MYT1L: variants seen among roughly 807,000 people sequenced by gnomAD.
MYT1L encodes myelin transcription factor 1-like protein.
A neutral mutation model predicts 126.7 loss-of-function variants in MYT1L; 12 were observed. That is an observed-to-expected ratio of 0.09 (90% CI 0.06 to 0.15). The LOEUF is 0.15. Ranked by LOEUF, MYT1L falls within the 10% of genes least tolerant of loss-of-function variation. The pLI, the probability that MYT1L is intolerant of heterozygous loss-of-function variation, is 1.00. For synonymous variants in MYT1L, 541 were observed against 604.2 expected, an observed-to-expected ratio of 0.90 and a Z score of 1.53; for missense variants, 979 against 1,585.2, an observed-to-expected ratio of 0.62 and a Z score of 6.49.
At chr2:1,818,995 CCCCAGCT>C (rs530888105) in intron 21 of MYT1L, among the ~76,000 whole-genome samples, 10 of 152,092 alleles carry the variant, frequency 6.6e-5, no homozygotes, top group Non-Finnish European at 7.4e-5. Flanking sequence ...CCCAGATGGC[CCCCAGCT>C]CCCAGCTCCC....
chr2:2,319,232 A>C (rs1458003585), intron 1 of MYT1L: 1 of 152,214 alleles, frequency 6.6e-6, no homozygotes, highest in Non-Finnish European at 1.5e-5. Context: ...GTTGGCCCTC[A>C]GTCAATAACC....
At chr2:2,124,140 G>A (rs551103916) in intron 3 of MYT1L, among the ~76,000 whole-genome samples, 190 of 152,234 alleles carry the variant, frequency 1.2e-3, no homozygotes, top group African/African-American at 4.3e-3. Context: ...CCACCCACTC[G>A]CTTTTGGGTT....
intron 3 of MYT1L, among the ~76,000 whole-genome samples, chr2:2,140,888 A>G (rs1016674062): frequency 6.6e-6 from 1 of 152,210 alleles, no homozygotes; most frequent in African/African-American, 2.4e-5. Context: ...GTCTTCAAAT[A>G]TAATTTTTTG....
At chr2:2,253,732 C>T (rs1229008922) in intron 2 of MYT1L, among the ~76,000 whole-genome samples, 3 of 150,696 alleles carry the variant, frequency 2.0e-5, no homozygotes, top group African/African-American at 7.3e-5. Flanking sequence ...GAGGGCAAGT[C>T]GGAAACAGGA....
intron 2 of MYT1L, among the ~76,000 whole-genome samples, chr2:2,247,114 A>T (rs1002703779): frequency 3.7e-4 from 57 of 152,324 alleles, no homozygotes; most frequent in African/African-American, 1.3e-3. Context: ...GGATGGAAAA[A>T]CAAGACCCAA....
At chr2:2,003,091 C>G (rs895819783) in intron 4 of MYT1L, among the ~76,000 whole-genome samples, 1 of 152,116 alleles carries the variant, frequency 6.6e-6, no homozygotes. Context: ...GCCTCCACGT[C>G]AACCCCACGG....
At chr2:2,014,389 C>T (rs1388400241) in intron 4 of MYT1L, among the ~76,000 whole-genome samples, 2 of 152,118 alleles carry the variant, frequency 1.3e-5, no homozygotes, top group Non-Finnish European at 2.9e-5. Flanking sequence ...CGTGATAATC[C>T]GCCCTTCACT....
intron 2 of MYT1L, among the ~76,000 whole-genome samples, chr2:2,267,279 A>G (rs576269744): frequency 6.6e-6 from 1 of 152,272 alleles, no homozygotes; most frequent in South Asian, 2.1e-4. Context: ...AGTCTCCCTT[A>G]CCCTCACAGG....
At chr2:1,902,989 C>T (rs544212886) in intron 14 of MYT1L, 91 bp downstream of exon 14, 411 of 1,235,326 alleles carry the variant, frequency 3.3e-4, no homozygotes, top group East Asian at 2.9e-3. Flanking sequence ...TGACCACCAC[C>T]GCTCAACTAA....
intron 2 of MYT1L, among the ~76,000 whole-genome samples, chr2:2,271,167 T>A (rs59572407): frequency 0.022 from 3,314 of 152,226 alleles, 116 homozygotes; most frequent in African/African-American, 0.075. Flanking sequence ...TTTTTCTCTG[T>A]CTCAACAGTC....
chr2:2,094,688 C>G (rs534126096), intron 3 of MYT1L, among the ~76,000 whole-genome samples: 6 of 149,678 alleles, frequency 4.0e-5, no homozygotes, highest in African/African-American at 1.5e-4. Context: ...AATCAAACAT[C>G]GCATGTTCTC....
intron 13 of MYT1L, among the ~76,000 whole-genome samples, chr2:1,907,555 G>C (rs2051254274): frequency 6.6e-6 from 1 of 152,178 alleles, no homozygotes. Context: ...GAGGTAGGAG[G>C]GGAGGAGAGG....
intron 1 of MYT1L, among the ~76,000 whole-genome samples, chr2:2,290,674 T>A (rs1223332102): frequency 6.6e-6 from 1 of 152,056 alleles, no homozygotes; most frequent in Non-Finnish European, 1.5e-5. Context: ...GAAAACAACA[T>A]GGTTTAAAGA....
rs146550388 is a variant in MYT1L, at chr2:2,273,916, T to C, written c.-421+10488A>G. ...CTTCTTGGTATTTTTAAATATTTTG[T>C]CTCCATTATTAAAACACAAAAAATT... On this transcript the variant is annotated intron_variant, in intron 2 of 24. Transcript: ENST00000647738. 3.9e-3 allele frequency among the ~76,000 whole-genome samples: 601 copies of C among 152,258 alleles called. 2 individuals carry two copies. Among genetic ancestry groups the C allele is most frequent in the African/African-American group, 0.014 (568 of 41,542 alleles).
intron 2 of MYT1L, among the ~76,000 whole-genome samples, chr2:2,237,511 A>C (rs2094348192): frequency 6.6e-6 from 1 of 152,186 alleles, no homozygotes; most frequent in South Asian, 2.1e-4. Context: ...CTTTCCTAAC[A>C]AAAAGCAGTT....
At chr2:2,260,197 T>C (rs1184036995) in intron 2 of MYT1L, among the ~76,000 whole-genome samples, 1 of 152,194 alleles carries the variant, frequency 6.6e-6, no homozygotes, top group Non-Finnish European at 1.5e-5. Flanking sequence ...CTGACTGATG[T>C]GTGATGCTGA....
intron 3 of MYT1L, among the ~76,000 whole-genome samples, chr2:2,056,026 T>A (rs989806899): frequency 6.6e-6 from 1 of 152,234 alleles, no homozygotes; most frequent in Non-Finnish European, 1.5e-5. Context: ...GACTGATCAT[T>A]GTCAGGAGAG....
At chr2:2,156,588 T>C (rs1459986551) in intron 3 of MYT1L, among the ~76,000 whole-genome samples, 1 of 152,266 alleles carries the variant, frequency 6.6e-6, no homozygotes, top group Non-Finnish European at 1.5e-5. Context: ...GCTCAATTCA[T>C]TGGTGCCATT....
chr2:1,835,752 G>T (rs1471707717), intron 21 of MYT1L, among the ~76,000 whole-genome samples: 1 of 152,170 alleles, frequency 6.6e-6, no homozygotes, highest in Non-Finnish European at 1.5e-5. Context: ...CTCCTTGGAG[G>T]TCGCCGAAGC....
Sources: gnomAD v4.1 joint callset for allele counts (sites outside exome capture counted in the v4.1 genomes callset) on GRCh38, gnomAD v4.1.1 for gene constraint, MANE v1.5 for transcripts, NCBI Gene and HGNC (gene_info 2026-07-23, HGNC 2026-07-21) for gene names.